OGDH: variants seen among roughly 807,000 people sequenced by gnomAD.
OGDH encodes 2-oxoglutarate dehydrogenase complex component E1.
In OGDH, 38 loss-of-function variants were observed where a neutral mutation model predicts 116.6. The ratio of observed to expected loss-of-function variants is 0.33; its 90% CI spans 0.25 to 0.43. The LOEUF is 0.43. Among genes scored for constraint, OGDH ranks in the 20% least tolerant of loss-of-function variants. OGDH has a pLI of 1.00. For missense variants in OGDH, 825 were observed against 1,357.2 expected (o/e 0.61, Z 6.16); for synonymous variants, 488 against 533.3 (o/e 0.92, Z 1.17).
intron 1 of OGDH, among the ~76,000 whole-genome samples, chr7:44,611,458 G>A (rs1326575943): frequency 6.6e-6 from 1 of 151,152 alleles, no homozygotes; most frequent in African/African-American, 2.4e-5. Context: ...GTATTTTTTA[G>A]TAGAGACGGG....
chr7:44,691,608 A>G (rs1321444424), intron 10 of OGDH, among the ~76,000 whole-genome samples: 1 of 152,116 alleles, frequency 6.6e-6, no homozygotes, highest in African/African-American at 2.4e-5. Flanking sequence ...CCTATGTCCA[A>G]CAGCAGAAGC....
intron 5 of OGDH, among the ~76,000 whole-genome samples, chr7:44,672,386 A>G (rs1418209233): frequency 6.6e-6 from 1 of 152,156 alleles, no homozygotes; most frequent in African/African-American, 2.4e-5. Context: ...CATGGATGAG[A>G]GCTGCTGAGC....
intron 20 of OGDH, among the ~76,000 whole-genome samples, chr7:44,703,390 A>T (rs541399807): frequency 6.6e-6 from 1 of 151,838 alleles, no homozygotes; most frequent in Non-Finnish European, 1.5e-5. Context: ...CCTGGGCAAC[A>T]GAGTAGGACT....
Position 44,666,726 on chromosome 7 carries a change from C to T in OGDH, c.518-10C>T, listed in dbSNP as rs775257293. On this transcript the variant is annotated splice_polypyrimidine_tract_variant and intron_variant, in intron 4 of 22. Transcript: ENST00000222673. The stretch of plus-strand genomic sequence containing the variant: ...CTCATCTGGCTTGTCCTGCCCACAT[C>T]GCCCTGCAGGGTTCTATGGCCTGGA... 12 of 1,569,394 alleles carry T rather than the reference C, an allele frequency of 7.6e-6. No individual in the cohort carries two copies. The highest frequency in any genetic ancestry group is 3.5e-5 in the Admixed American group (2 of 57,146).
intron 1 of OGDH, among the ~76,000 whole-genome samples, chr7:44,613,595 G>T (rs1434971674): frequency 6.6e-6 from 1 of 151,838 alleles, no homozygotes; most frequent in African/African-American, 2.4e-5. Flanking sequence ...TCCTGGCCTC[G>T]TGATCCACCC....
chr7:44,627,868 G>A (rs1038559629), intron 2 of OGDH, among the ~76,000 whole-genome samples: 1 of 152,010 alleles, frequency 6.6e-6, no homozygotes, highest in Non-Finnish European at 1.5e-5. Context: ...GTAGAGACGG[G>A]GTTTCACCAT....
At chr7:44,675,113 C>T in intron 7 of OGDH, 65 bp from the exon 8 acceptor site, 3 of 1,297,538 alleles carry the variant, frequency 2.3e-6, no homozygotes, top group Non-Finnish European at 3.4e-6. Context: ...ATTGTAACAC[C>T]CTCATCTGCC....
At chr7:44,663,207 C>T (rs1787025344) in intron 4 of OGDH, among the ~76,000 whole-genome samples, 2 of 152,268 alleles carry the variant, frequency 1.3e-5, no homozygotes, top group South Asian at 2.1e-4. Context: ...TGCCATTGAG[C>T]CTATCCATTG....
chr7:44,616,309 C>T (rs1017164607), intron 1 of OGDH, among the ~76,000 whole-genome samples: 2 of 152,154 alleles, frequency 1.3e-5, no homozygotes, highest in Non-Finnish European at 2.9e-5. Context: ...TATACCACAT[C>T]AGTCATGGGC....
At chr7:44,657,594 G>A (rs1786748440) in intron 4 of OGDH, among the ~76,000 whole-genome samples, 1 of 151,714 alleles carries the variant, frequency 6.6e-6, no homozygotes, top group South Asian at 2.1e-4. Context: ...TTTCCCCCTC[G>A]TTTCCTACCT....
chr7:44,708,089 C>T lies in OGDH; in HGVS notation c.*90C>T. 3 of 1,504,302 alleles carry T rather than the reference C, an allele frequency of 2.0e-6. No homozygotes were observed. Among genetic ancestry groups the T allele is most frequent in the Non-Finnish European group, 2.7e-6 (3 of 1,117,784 alleles). 93.2% of individuals were successfully genotyped at this position (1,504,302 alleles called of 1,614,324 possible). ...CTAAAGAATAGTGCCTCAGCGCTGC[C>T]CACACCACCGCCCTCCTCGCTGTGC... On this transcript the variant is annotated 3_prime_UTR_variant, in exon 23 of 23. Coordinates refer to ENST00000222673, the MANE Select transcript of OGDH (RefSeq NM_002541.4).
chr7:44,657,040 T>A (rs1310298917), intron 4 of OGDH, among the ~76,000 whole-genome samples: 1 of 152,198 alleles, frequency 6.6e-6, no homozygotes, highest in Non-Finnish European at 1.5e-5. Flanking sequence ...ACTTTTTAAT[T>A]ACACTTTTAA....
chr7:44,639,893 C>T (rs1377862953), intron 2 of OGDH, among the ~76,000 whole-genome samples: 7 of 152,244 alleles, frequency 4.6e-5, no homozygotes, highest in South Asian at 2.1e-4. Context: ...TCAGCAGTAC[C>T]GGTATGAACC....
chr7:44,686,046 C>CTTTTTTTTTTTTTTTTTTTT (rs947000633), intron 10 of OGDH, among the ~76,000 whole-genome samples: 1 of 144,832 alleles, frequency 6.9e-6, no homozygotes. Flanking sequence ...TTCTTTCTTT[C>CTTTTTTTTTTTTTTTTTTTT]TTTTTTTTTT....
At chr7:44,661,666 G>C (rs1353265983) in intron 4 of OGDH, among the ~76,000 whole-genome samples, 1 of 151,992 alleles carries the variant, frequency 6.6e-6, no homozygotes, top group Non-Finnish European at 1.5e-5. Context: ...GCAGGGGCGT[G>C]ATCTTGGTGC....
intron 2 of OGDH, among the ~76,000 whole-genome samples, chr7:44,629,570 TTTTTC>T (rs200221293): frequency 3.1e-4 from 38 of 121,630 alleles, no homozygotes; most frequent in South Asian, 1.6e-3. Flanking sequence ...TTCCTTTTTC[TTTTTC>T]TTTTCTTTTT....
chr7:44,611,083 T>G (rs1003869706), intron 1 of OGDH, among the ~76,000 whole-genome samples: 2 of 150,332 alleles, frequency 1.3e-5, no homozygotes, highest in Non-Finnish European at 3.0e-5. Context: ...TTTTTTTTTT[T>G]TTTTTTTTGG....
At chr7:44,619,558 A>G (rs1213592997) in intron 1 of OGDH, among the ~76,000 whole-genome samples, 1 of 152,178 alleles carries the variant, frequency 6.6e-6, no homozygotes, top group Non-Finnish European at 1.5e-5. Context: ...AGGTTGGAGC[A>G]TGCACCAGCA....
chr7:44,707,635 T>A lies in OGDH; in HGVS notation c.2850T>A (p.Asn950Lys). Residue 950 changes from asparagine to lysine, a missense_variant, in exon 22 of 23, where the codon AAT becomes AAA. This residue lies in a region of OGDH where 212 missense variants were observed against 284.3 expected (regional missense o/e 0.75). Transcript: ENST00000222673. This position sits in a 1 kb window ranked among gnomAD's most constrained non-coding sequence, Gnocchi z 5.2. Reference protein sequence around the residue: ...LLLKEVQKYPNAELAWCQEEH... With the variant: ...LLLKEVQKYPKAELAWCQEEH... The stretch of plus-strand genomic sequence containing the variant: ...TGAAGGAGGTGCAGAAGTACCCCAA[T>A]GCTGAGCTGGCCTGGTGCCAGGAGG... 1 of 1,614,148 alleles carries A rather than the reference T, an allele frequency of 6.2e-7. No individual in the cohort carries two copies. Among genetic ancestry groups the A allele is most frequent in the Non-Finnish European group, 8.5e-7 (1 of 1,180,032 alleles).
Sources: allele counts gnomAD v4.1 joint callset (sites outside exome capture counted in the v4.1 genomes callset), GRCh38; gene constraint gnomAD v4.1.1; regional missense constraint gnomAD v4.1.1; non-coding constraint Gnocchi (gnomAD v3.1); transcripts MANE v1.5; gene names NCBI Gene and HGNC (gene_info 2026-07-23, HGNC 2026-07-21).